The following PKIB variants were observed in gnomAD, a reference collection of about 807,000 sequenced individuals.
The protein encoded by PKIB is cAMP-dependent protein kinase inhibitor beta, also known as PKI-beta.
PKIB carries 2 observed loss-of-function variants against 4.5 expected under a neutral mutation model. The ratio of observed to expected loss-of-function variants is 0.44; its 90% CI spans 0.18 to 1.39. PKIB has a LOEUF of 1.39. PKIB is among the 40% of genes most tolerant of loss of function. The pLI, the probability that PKIB is intolerant of heterozygous loss-of-function variation, is 0.27. For missense variants in PKIB, 94 were observed against 92.6 expected (o/e 1.02, Z -0.06); for synonymous variants, 38 against 36.0 (o/e 1.06, Z -0.20).
At chr6:122,656,970 A>G (rs989698898) in intron 2 of PKIB, among the ~76,000 whole-genome samples, 1 of 152,186 alleles carries the variant, frequency 6.6e-6, no homozygotes, top group African/African-American at 2.4e-5. Context: ...TGTAAATTAT[A>G]TATTTGATTA....
chr6:122,657,929 C>T (rs1295373532), intron 2 of PKIB, among the ~76,000 whole-genome samples: 6 of 152,090 alleles, frequency 3.9e-5, no homozygotes, highest in Admixed American at 6.6e-5. Context: ...GTGGTGTGTA[C>T]GCTAGCCTTA....
chr6:122,593,619 C>A (rs1328243486), intron 3 of PKIB, among the ~76,000 whole-genome samples: 2 of 152,058 alleles, frequency 1.3e-5, no homozygotes, highest in African/African-American at 2.4e-5. Flanking sequence ...ATTGTTAAAG[C>A]TTTTCAAAGG....
At chr6:122,492,932 G>C (rs111651791) in intron 2 of PKIB, among the ~76,000 whole-genome samples, 2,317 of 152,102 alleles carry the variant, frequency 0.015, 68 homozygotes, top group African/African-American at 0.054. Context: ...ATTTTAGTCA[G>C]AAGATATGAC....
chr6:122,603,520 T>C (rs1246387754), intron 3 of PKIB, among the ~76,000 whole-genome samples: 2 of 152,214 alleles, frequency 1.3e-5, no homozygotes, highest in Non-Finnish European at 2.9e-5. Flanking sequence ...ACTCTGTTGC[T>C]TAGGCTAGAG....
At chr6:122,699,284 A>AAAATAT (rs1554233479) in intron 3 of PKIB, among the ~76,000 whole-genome samples, 1 of 151,542 alleles carries the variant, frequency 6.6e-6, no homozygotes, top group East Asian at 1.9e-4. Flanking sequence ...TGTGAACTAA[A>AAAATAT]ATATATATAT....
chr6:122,543,384 GAC>G (rs1772374151), intron 2 of PKIB, among the ~76,000 whole-genome samples: 2 of 123,408 alleles, frequency 1.6e-5, no homozygotes. Flanking sequence ...TTTGTTTTTA[GAC>G]AGAGTTTCAC....
intron 2 of PKIB, among the ~76,000 whole-genome samples, chr6:122,560,792 T>C (rs1458314688): frequency 2.0e-5 from 3 of 152,078 alleles, no homozygotes; most frequent in Non-Finnish European, 4.4e-5. Flanking sequence ...TTCCAGGAAT[T>C]TATTTATCTC....
chr6:122,664,978 G>A (rs1777158711), intron 2 of PKIB, among the ~76,000 whole-genome samples: 1 of 152,096 alleles, frequency 6.6e-6, no homozygotes, highest in South Asian at 2.1e-4. Context: ...TTAGCTATTA[G>A]TCTTCCTTGG....
chr6:122,676,996 T>C (rs912245602), intron 3 of PKIB, among the ~76,000 whole-genome samples: 25 of 152,210 alleles, frequency 1.6e-4, no homozygotes, highest in African/African-American at 5.5e-4. Flanking sequence ...TTTATAGATC[T>C]TGAGGTTTTG....
intron 2 of PKIB, among the ~76,000 whole-genome samples, chr6:122,638,693 C>A (rs1172435943): frequency 6.6e-6 from 1 of 152,186 alleles, no homozygotes; most frequent in African/African-American, 2.4e-5. Flanking sequence ...TATCCATCCA[C>A]CTTAAAGAGT....
At chr6:122,680,683 G>C (rs1304562385) in intron 3 of PKIB, among the ~76,000 whole-genome samples, 1 of 152,104 alleles carries the variant, frequency 6.6e-6, no homozygotes, top group African/African-American at 2.4e-5. Flanking sequence ...TGCTTCTGAA[G>C]TTTTCACTTT....
chr6:122,570,144 A>G (rs1000769464), intron 2 of PKIB, among the ~76,000 whole-genome samples: 3 of 152,204 alleles, frequency 2.0e-5, no homozygotes, highest in Middle Eastern at 3.2e-3. Flanking sequence ...TTTACTTAGA[A>G]TATCAACATT....
intron 1 of PKIB, among the ~76,000 whole-genome samples, chr6:122,614,911 C>A (rs1774923009): frequency 6.6e-6 from 1 of 152,070 alleles, no homozygotes; most frequent in Admixed American, 6.5e-5. Flanking sequence ...TACCATGGAG[C>A]TTCTGGAGCC....
At chr6:122,702,174 A>C (rs1022241024) in intron 3 of PKIB, among the ~76,000 whole-genome samples, 2 of 151,974 alleles carry the variant, frequency 1.3e-5, no homozygotes, top group African/African-American at 4.8e-5. Context: ...GCAAATTTCC[A>C]ACTGTGTAGT....
intron 2 of PKIB, chr6:122,482,492 C>G (rs1775650293): frequency 6.6e-6 from 1 of 151,832 alleles, no homozygotes; most frequent in African/African-American, 2.4e-5. Context: ...AAATCTCCAC[C>G]CTTGTGTGTG....
intron 2 of PKIB, among the ~76,000 whole-genome samples, chr6:122,537,863 C>T (rs201904670): frequency 0.059 from 8,863 of 151,122 alleles, 891 homozygotes; most frequent in East Asian, 0.27. Flanking sequence ...TTTTAATGAT[C>T]GCCATTCTAA....
chr6:122,624,972 C>T lies in PKIB; in HGVS notation c.-160-8311C>T, dbSNP rs116345656. On this transcript the variant is annotated intron_variant, in intron 1 of 4. Coordinates refer to ENST00000368452, the MANE Select transcript of PKIB (RefSeq NM_181795.3). ...AGTAAAAAGAGGTTTATCCTGGGGA[C>T]CTGAAGTGTGAAAGGAGTTTCACAG... Among the ~76,000 whole-genome samples, 218 of 152,204 alleles carry T rather than the reference C, an allele frequency of 1.4e-3. 1 individual carries two copies. The highest frequency in any genetic ancestry group is 4.9e-3 in the African/African-American group (202 of 41,524).
intron 2 of PKIB, among the ~76,000 whole-genome samples, chr6:122,535,221 G>C (rs114669114): frequency 6.6e-6 from 1 of 151,926 alleles, no homozygotes; most frequent in Non-Finnish European, 1.5e-5. Flanking sequence ...TTACATTTTG[G>C]TAGGAGTTTT....
At chr6:122,476,131 C>T (rs1378651666) in intron 1 of PKIB, among the ~76,000 whole-genome samples, 1 of 152,126 alleles carries the variant, frequency 6.6e-6, no homozygotes, top group Non-Finnish European at 1.5e-5. Context: ...ACTGAAACAT[C>T]TTGGCCCCCC....
Sources: gnomAD v4.1 joint callset for allele counts (sites outside exome capture counted in the v4.1 genomes callset) on GRCh38, gnomAD v4.1.1 for gene constraint, MANE v1.5 for transcripts, NCBI Gene and HGNC (gene_info 2026-07-23, HGNC 2026-07-21) for gene names.